ACOT9: variants seen among roughly 807,000 people sequenced by gnomAD.
ACOT9 encodes acyl-coenzyme A thioesterase 9, mitochondrial.
ACOT9 carries 34 observed loss-of-function variants against 39.7 expected under a neutral mutation model. That is an observed-to-expected ratio of 0.86 (90% CI 0.65 to 1.14). ACOT9 has a LOEUF of 1.14. Ranked by LOEUF, ACOT9 falls within the 50% of genes most tolerant of loss-of-function variation. The pLI, the probability that ACOT9 is intolerant of heterozygous loss-of-function variation, is 0.00. For synonymous variants in ACOT9, 110 were observed against 120.5 expected (o/e 0.91, Z 0.57); for missense variants, 313 against 344.1 (o/e 0.91, Z 0.71).
chrX:23,733,041 C>T (rs1601820715), intron 4 of ACOT9, 131 bp downstream of exon 4: 1 of 548,191 alleles, frequency 1.8e-6, no homozygotes, highest in Non-Finnish European at 2.9e-6. Flanking sequence ...CTCCCCCAAG[C>T]AAAATACTTC....
intron 8 of ACOT9, among the ~76,000 whole-genome samples, chrX:23,716,609 G>A (rs1929089319): frequency 8.9e-6 from 1 of 112,053 alleles, no homozygotes; most frequent in Non-Finnish European, 1.9e-5. Flanking sequence ...GTATATAAAT[G>A]ACAAGTCAAA....
At chrX:23,721,773 G>T in intron 8 of ACOT9, 108 bp downstream of exon 8, 1 of 554,758 alleles carries the variant, frequency 1.8e-6, no homozygotes. Flanking sequence ...TTTTCTAGAA[G>T]CAGTGAGCAA....
intron 1 of ACOT9, among the ~76,000 whole-genome samples, chrX:23,739,946 T>C (rs373596715): frequency 9.0e-6 from 1 of 111,406 alleles, no homozygotes; most frequent in South Asian, 3.7e-4. Flanking sequence ...TAGAGCCCCA[T>C]TGCTTTGCAT....
At chrX:23,719,842 T>TC (rs1929236793) in intron 8 of ACOT9, among the ~76,000 whole-genome samples, 1 of 7,393 alleles carries the variant, frequency 1.4e-4, no homozygotes, top group African/African-American at 1.2e-3. Context: ...GAATAAGTCA[T>TC]TTTTTTTTTT....
chrX:23,712,965 G>C (rs142240507), intron 9 of ACOT9, among the ~76,000 whole-genome samples, 170 bp downstream of exon 9: 1 of 112,277 alleles, frequency 8.9e-6, no homozygotes, highest in African/African-American at 3.2e-5. Context: ...GTATTTAAGA[G>C]TGAAATGTCA....
At chrX:23,719,834 A>G (rs1645927231) in intron 8 of ACOT9, among the ~76,000 whole-genome samples, 1 of 78,486 alleles carries the variant, frequency 1.3e-5, no homozygotes, top group African/African-American at 5.2e-5. Context: ...GCATAAATGA[A>G]TAAGTCATTT....
Position 23,703,569 on chromosome X carries a change from C to G in ACOT9, c.*325G>C, listed in dbSNP as rs1293175001. On this transcript the variant is annotated 3_prime_UTR_variant, in exon 16 of 16. Coordinates refer to ENST00000379303, the MANE Select transcript of ACOT9 (RefSeq NM_001037171.2). Reference sequence around the variant, plus strand: ...TCCTGACTTCATGATCCGCCCGCCTCAGCCTCCCAAAGTGCTGGGATTATA... The same window carrying G: ...TCCTGACTTCATGATCCGCCCGCCTGAGCCTCCCAAAGTGCTGGGATTATA... The G allele has an allele frequency of 6.6e-6, 1 of 152,405 alleles. No homozygotes were observed. The highest frequency in any genetic ancestry group is 1.3e-5 in the Non-Finnish European group (1 of 79,417). The allele number at this position is 152,405 out of a possible 1,213,427, so 12.6% of individuals were successfully genotyped here.
At chrX:23,733,002 T>A (rs1929811321) in intron 4 of ACOT9, among the ~76,000 whole-genome samples, 170 bp downstream of exon 4, 1 of 111,929 alleles carries the variant, frequency 8.9e-6, no homozygotes, top group Non-Finnish European at 1.9e-5. Context: ...TGAGGTGTCA[T>A]CTGATGAGTA....
chrX:23,708,052 G>A (rs1928761496), intron 9 of ACOT9, 108 bp from the exon 10 acceptor site: 3 of 705,841 alleles, frequency 4.3e-6, no homozygotes, highest in South Asian at 6.2e-5. Flanking sequence ...TTCATTTTGG[G>A]TAGTGCTTAC....
chrX:23,733,504 A>C (rs776684510), intron 3 of ACOT9, among the ~76,000 whole-genome samples: 5 of 112,269 alleles, frequency 4.5e-5, no homozygotes, highest in Non-Finnish European at 9.4e-5. Context: ...TCAATTATTC[A>C]CTTAATGGGG....
chrX:23,717,122 T>G (rs1467648570), intron 8 of ACOT9, among the ~76,000 whole-genome samples: 1 of 111,209 alleles, frequency 9.0e-6, no homozygotes, highest in Non-Finnish European at 1.9e-5. Context: ...CCCAAAGTGT[T>G]GGGATTACAG....
chrX:23,735,103 T>C (rs929936065), intron 2 of ACOT9, among the ~76,000 whole-genome samples: 8 of 103,718 alleles, frequency 7.7e-5, no homozygotes, highest in African/African-American at 2.8e-4. Context: ...CGAAACTCCA[T>C]CTCTCCTAAA....
rs199997116 is a variant in ACOT9, at chrX:23,705,839, G to A, written c.862C>T (p.Arg288Ter). The change falls in exon 12 of 16, where the codon CGA becomes TGA. Residue 288 changes from arginine to a stop codon, truncating the protein, a stop_gained. Transcript: ENST00000379303. LOFTEE classifies it high-confidence loss of function. ...CACACTGCATTAGAGGGTAAAACTC[G>A]ACTCCGAAAACTTATAGTCCTGTAC... ...LDPKTISFRS[R>*]VLPSNAVWME... 15 of 1,205,462 alleles carry A rather than the reference G, an allele frequency of 1.2e-5. No homozygotes were observed. Among genetic ancestry groups the A allele is most frequent in the South Asian group, 3.5e-5 (2 of 56,766 alleles).
At chrX:23,742,369 G>C (rs1920983947) in intron 1 of ACOT9, among the ~76,000 whole-genome samples, 1 of 110,487 alleles carries the variant, frequency 9.1e-6, no homozygotes, top group African/African-American at 3.3e-5. Context: ...ACTGGAGCAG[G>C]TGTGAGCCCC....
At chrX:23,734,853 G>C (rs1182852465) in intron 2 of ACOT9, among the ~76,000 whole-genome samples, 1 of 107,428 alleles carries the variant, frequency 9.3e-6, no homozygotes, top group Non-Finnish European at 1.9e-5. Flanking sequence ...TGGCATGGTG[G>C]GCACCTGTAA....
intron 8 of ACOT9, among the ~76,000 whole-genome samples, chrX:23,720,894 G>A (rs1047797640): frequency 2.7e-5 from 3 of 110,299 alleles, no homozygotes; most frequent in African/African-American, 9.9e-5. Context: ...CTCCTCCTGT[G>A]TACTTTAAAT....
intron 9 of ACOT9, among the ~76,000 whole-genome samples, chrX:23,711,325 A>AAC (rs1490844811): frequency 2.7e-5 from 3 of 111,547 alleles, no homozygotes; most frequent in African/African-American, 9.7e-5. Flanking sequence ...CCATCTCAAA[A>AAC]ACACACACAC....
chrX:23,701,284 T>C lies in ACOT9; in HGVS notation c.*2610A>G, dbSNP rs1174118069. ...TGTCATAGGTAGATATGCAAAATGC[T>C]ATATTGAAGGGCCAGGTAAATCTCA... On this transcript the variant is annotated 3_prime_UTR_variant, in exon 16 of 16. Coordinates refer to ENST00000379303, the MANE Select transcript of ACOT9 (RefSeq NM_001037171.2). Among the ~76,000 whole-genome samples, 1 of 111,115 alleles carries C rather than the reference T, an allele frequency of 9.0e-6. No individual in the cohort carries two copies. Among genetic ancestry groups the C allele is most frequent in the East Asian group, 2.8e-4 (1 of 3,536 alleles).
chrX:23,728,175 CCCTTTCCCAA>C (rs1929602773), intron 6 of ACOT9, among the ~76,000 whole-genome samples: 1 of 110,743 alleles, frequency 9.0e-6, no homozygotes, highest in African/African-American at 3.3e-5. Flanking sequence ...CTTTTTCAGA[CCCTTTCCCAA>C]CCATTCAGCC....
Sources: allele counts gnomAD v4.1 joint callset (sites outside exome capture counted in the v4.1 genomes callset), GRCh38; gene constraint gnomAD v4.1.1; transcripts MANE v1.5; gene names NCBI Gene and HGNC (gene_info 2026-07-23, HGNC 2026-07-21).